STARD9: variants seen among roughly 807,000 people sequenced by gnomAD.
The protein encoded by STARD9 is stAR-related lipid transfer protein 9.
A neutral mutation model predicts 399.8 loss-of-function variants in STARD9; 346 were observed. That is an observed-to-expected ratio of 0.87 (90% CI 0.79 to 0.95). The LOEUF (loss-of-function observed/expected upper bound fraction) is 0.95, where lower values mean the gene tolerates loss of function less well. Among genes scored for constraint, STARD9 ranks in the 40% least tolerant of loss-of-function variants. The probability of loss-of-function intolerance (pLI) is 0.00; values close to 1 mark genes in which losing one functional copy is unlikely to be tolerated. For synonymous variants in STARD9, 2,203 were observed against 2,143.5 expected, an observed-to-expected ratio of 1.03 and a Z score of -0.77; for missense variants, 5,832 against 5,667.5, an observed-to-expected ratio of 1.03 and a Z score of -0.93.
chr15:42,592,447 C>A (rs751433959), intron 3 of STARD9, among the ~76,000 whole-genome samples: 7 of 151,344 alleles, frequency 4.6e-5, no homozygotes, highest in Non-Finnish European at 8.8e-5. Context: ...TTTCTTTTTT[C>A]TTTTTTTTAT....
intron 3 of STARD9, among the ~76,000 whole-genome samples, chr15:42,592,787 T>A (rs2058427227): frequency 6.6e-6 from 1 of 152,182 alleles, no homozygotes; most frequent in African/African-American, 2.4e-5. Flanking sequence ...CTAAATGCTG[T>A]TTTCAGTATT....
At chr15:42,677,812 C>A (rs182218853) in intron 20 of STARD9, among the ~76,000 whole-genome samples, 5 of 152,336 alleles carry the variant, frequency 3.3e-5, no homozygotes, top group African/African-American at 1.2e-4. Flanking sequence ...ACACACCCCA[C>A]AGCCCCTATT....
chr15:42,706,329 TCTG>T (rs1199230641), intron 26 of STARD9, among the ~76,000 whole-genome samples: 1 of 152,192 alleles, frequency 6.6e-6, no homozygotes, highest in Non-Finnish European at 1.5e-5. Flanking sequence ...CTTTATATCT[TCTG>T]ATTATTTTGT....
In STARD9 at chr15:42,682,340, G is replaced by A. The variant is rs959653421; in HGVS notation, c.2302G>A (p.Val768Ile). ...AAERNVRRKK[V>I]SFQLERIIKK... is the part of the protein sequence containing the mutation. ...AGAGCGGAATGTCCGGCGGAAAAAG[G>A]TCTCATTCCAGCTAGAGAGAATCAT... The change falls in exon 22 of 33, where the codon GTC becomes ATC. Residue 768 changes from valine to isoleucine, a missense_variant. Physicochemically the swap from Val to Ile is conservative, Grantham distance 29 (BLOSUM62 3). Coordinates refer to ENST00000290607, the MANE Select transcript of STARD9 (RefSeq NM_020759.3). 3 of 1,537,142 alleles carry A rather than the reference G, an allele frequency of 2.0e-6. No individual in the cohort carries two copies. The highest frequency in any genetic ancestry group is 1.7e-6 in the Non-Finnish European group (2 of 1,146,912).
intron 3 of STARD9, among the ~76,000 whole-genome samples, chr15:42,613,007 AAAAG>A (rs79644355): frequency 1.0e-4 from 15 of 149,136 alleles, no homozygotes; most frequent in Admixed American, 5.4e-4. Flanking sequence ...AAAAAAAAAA[AAAAG>A]AGCAACATCT....
rs781611439 is a variant in STARD9, at chr15:42,691,393, C to G, written c.9815C>G (p.Thr3272Ser). The change falls in exon 23 of 33, where the codon ACT becomes AGT. Residue 3272 changes from threonine to serine, a missense_variant. Thr to Ser is a moderately conservative substitution (Grantham distance 58). Transcript: ENST00000290607. ...TCACAGGGCTTCAAAGACCCAGCCA[C>G]TGTGTCCTTGAGGCAAAATGAAACA... ...ILSQGFKDPA[T>S]VSLRQNETPQ... 1.8e-5 allele frequency: 27 copies of G among 1,537,262 alleles called. 1 individual carries two copies. In the South Asian group the frequency reaches 3.2e-4, roughly 18 times the overall value.
In STARD9 at chr15:42,688,957, A is replaced by C; in HGVS notation, c.7379A>C (p.Glu2460Ala). ...RITLLGFSTS[E>A]DFASEAEVAV... ...ACCTTGCTGGGTTTCAGTACCAGTG[A>C]AGATTTTGCTTCTGAAGCCGAGGTG... The change falls in exon 23 of 33, where the codon GAA (glutamate) becomes GCA (alanine). Residue 2460 changes from glutamate to alanine, a missense_variant. Glu to Ala is a moderately radical substitution (Grantham distance 107, BLOSUM62 -1). This residue lies in a region of STARD9 where 5,828 missense variants were observed against 5,651.1 expected (regional missense o/e 1.03). Transcript: ENST00000290607. 6.5e-7 allele frequency: 1 copy of C among 1,537,446 alleles called. No individual in the cohort carries two copies. The highest frequency in any genetic ancestry group is 8.7e-7 in the Non-Finnish European group (1 of 1,146,954).
intron 3 of STARD9, among the ~76,000 whole-genome samples, chr15:42,626,142 C>T (rs2059204236): frequency 6.6e-6 from 1 of 151,568 alleles, no homozygotes; most frequent in Non-Finnish European, 1.5e-5. Context: ...AGGCTGGTCT[C>T]AGAACTCCTG....
At position 42,686,674 on chromosome 15, in the gene STARD9, C is replaced by T; in HGVS notation, c.5096C>T (p.Thr1699Ile). Residue 1699 changes from threonine (T) to isoleucine (I), a missense_variant, in exon 23 of 33, where the codon ACA (threonine) becomes ATA (isoleucine). Coordinates refer to ENST00000290607, the MANE Select transcript of STARD9 (RefSeq NM_020759.3). ...DSHYPLEEEK[T>I]DCQESSKEAV... Reference sequence around the variant, plus strand: ...CACTACCCACTAGAGGAAGAGAAGACAGATTGCCAGGAGAGCTCTAAGGAA... The same window carrying T: ...CACTACCCACTAGAGGAAGAGAAGATAGATTGCCAGGAGAGCTCTAAGGAA... The T allele has an allele frequency of 6.5e-7, 1 of 1,537,702 alleles. No individual in the cohort carries two copies. Among genetic ancestry groups the T allele is most frequent in the Non-Finnish European group, 8.7e-7 (1 of 1,147,018 alleles).
intron 7 of STARD9, among the ~76,000 whole-genome samples, chr15:42,645,089 A>G (rs992349341): frequency 1.3e-5 from 2 of 152,184 alleles, no homozygotes; most frequent in East Asian, 1.9e-4. Context: ...GTCATTCATG[A>G]GGGTTGGAAC....
chr15:42,640,186 A>G (rs1194300475), intron 7 of STARD9, among the ~76,000 whole-genome samples: 1 of 152,160 alleles, frequency 6.6e-6, no homozygotes, highest in Non-Finnish European at 1.5e-5. Context: ...CTAAAGTACT[A>G]GGATTATAGA....
At position 42,692,223 on chromosome 15, in the gene STARD9, C is replaced by T. The variant is rs2060725771; in HGVS notation, c.10645C>T (p.Gln3549Ter). 2.0e-6 allele frequency: 3 copies of T among 1,536,918 alleles called. No homozygotes were observed. Among genetic ancestry groups the T allele is most frequent in the Non-Finnish European group, 1.7e-6 (2 of 1,146,908 alleles). Residue 3549 changes from glutamine (Q) to a stop codon, truncating the protein, a stop_gained, in exon 23 of 33, where the codon CAG becomes TAG. Transcript: ENST00000290607. LOFTEE classifies it high-confidence loss of function. The part of the protein sequence containing the change: ...STTHSSTENA[Q>*]GSNEAWEVFR... Reference sequence around the variant, plus strand: ...CACACACAGCAGCACTGAGAATGCCCAGGGTTCAAATGAGGCCTGGGAAGT... The same window carrying T: ...CACACACAGCAGCACTGAGAATGCCTAGGGTTCAAATGAGGCCTGGGAAGT...
chr15:42,610,090 C>T (rs531724589), intron 3 of STARD9, among the ~76,000 whole-genome samples: 104 of 152,154 alleles, frequency 6.8e-4, no homozygotes, highest in African/African-American at 2.4e-3. Context: ...GAGACACTAT[C>T]TCCAAGAAAT....
At chr15:42,717,281 T>G (rs1467637825) in intron 28 of STARD9, among the ~76,000 whole-genome samples, 2 of 152,004 alleles carry the variant, frequency 1.3e-5, no homozygotes, top group African/African-American at 4.8e-5. Context: ...GGTCAGGAGT[T>G]CGAGACCAGC....
chr15:42,696,806 T>C (rs1206569061), intron 26 of STARD9, among the ~76,000 whole-genome samples: 2 of 151,844 alleles, frequency 1.3e-5, no homozygotes, highest in African/African-American at 2.4e-5. Context: ...CACACTTGAC[T>C]TGAGCAGCTG....
rs141177155 is a variant in STARD9 at position 42,640,076 on chromosome 15, G to A, written c.559+1264G>A. Among the ~76,000 whole-genome samples, 758 of 152,172 alleles carry A rather than the reference G, an allele frequency of 5.0e-3. 5 individuals are homozygous for A. The highest frequency in any genetic ancestry group is 0.018 in the African/African-American group (730 of 41,502). On this transcript the variant is annotated intron_variant, in intron 7 of 32. Coordinates refer to ENST00000290607, the MANE Select transcript of STARD9 (RefSeq NM_020759.3). ...AGCTAGGGCTACAGGTGTGCATCTA[G>A]GCAGCGGATTTTTAAATTTGCTGTA...
At position 42,586,182 on chromosome 15, in the gene STARD9, G is replaced by A. The variant is rs565037512; in HGVS notation, c.234+545G>A. ...GTAGTGTTCTGCTCCTATGATAGGT[G>A]AACAGCCATGTGCACAAGGGAATTA... is the stretch of plus-strand genomic sequence containing the variant. On this transcript the variant is annotated intron_variant, in intron 3 of 32. Transcript: ENST00000290607. Among the ~76,000 whole-genome samples, 27 of 152,328 alleles carry A rather than the reference G, an allele frequency of 1.8e-4. No individual in the cohort carries two copies. The South Asian group carries it at 5.4e-3, about 30-fold the overall frequency.
At chr15:42,582,200 C>T (rs913830797) in intron 1 of STARD9, among the ~76,000 whole-genome samples, 6 of 152,120 alleles carry the variant, frequency 3.9e-5, no homozygotes, top group Non-Finnish European at 8.8e-5. Flanking sequence ...TTCTCCTACC[C>T]CCAGTCCTCT....
chr15:42,640,818 CAAAA>C (rs34006967), intron 7 of STARD9, among the ~76,000 whole-genome samples: 9 of 83,602 alleles, frequency 1.1e-4, no homozygotes, highest in Admixed American at 7.0e-4. Flanking sequence ...GACTCCGTCT[CAAAA>C]AAAAAAAAAA....
Sources: allele counts gnomAD v4.1 joint callset (sites outside exome capture counted in the v4.1 genomes callset), GRCh38; gene constraint gnomAD v4.1.1; regional missense constraint gnomAD v4.1.1; transcripts MANE v1.5; gene names NCBI Gene and HGNC (gene_info 2026-07-23, HGNC 2026-07-21).